The following HK1 variants were observed in gnomAD, a reference collection of about 807,000 sequenced individuals.
The protein encoded by HK1 is hexokinase-1.
In HK1, 28 loss-of-function variants were observed where a neutral mutation model predicts 91.6. The ratio of observed to expected loss-of-function variants is 0.31; its 90% CI spans 0.23 to 0.42. HK1 has a LOEUF of 0.42. HK1 is among the 10% of genes least tolerant of loss of function. HK1 has a pLI of 1.00. For missense variants in HK1, 770 were observed against 1,219.8 expected, an observed-to-expected ratio of 0.63 and a Z score of 5.49; for synonymous variants, 430 against 468.1, an observed-to-expected ratio of 0.92 and a Z score of 1.05.
intron 3 of HK1, among the ~76,000 whole-genome samples, chr10:69,294,108 G>A (rs891766240): frequency 4.6e-5 from 7 of 151,960 alleles, no homozygotes; most frequent in Non-Finnish European, 1.0e-4. Flanking sequence ...TGATCCACCC[G>A]CCTCGGCCTC....
intron 4 of HK1, among the ~76,000 whole-genome samples, chr10:69,367,566 C>T (rs1849771949): frequency 6.6e-6 from 1 of 152,138 alleles, no homozygotes; most frequent in Non-Finnish European, 1.5e-5. Context: ...CCTGACTTAG[C>T]TTAGTTGCTG....
chr10:69,385,816 A>C (rs1839604831), intron 12 of HK1, among the ~76,000 whole-genome samples: 1 of 152,198 alleles, frequency 6.6e-6, no homozygotes, highest in Admixed American at 6.5e-5. Flanking sequence ...CATTTCACTT[A>C]TACCTTCACC....
chr10:69,285,372 C>T (rs565567642), intron 2 of HK1, among the ~76,000 whole-genome samples: 35 of 151,882 alleles, frequency 2.3e-4, no homozygotes, highest in Non-Finnish European at 3.8e-4. Context: ...TGCAGTAAGC[C>T]GAGATTGCGC....
chr10:69,357,846 A>G (rs1474991995), intron 2 of HK1, among the ~76,000 whole-genome samples: 6 of 152,174 alleles, frequency 3.9e-5, no homozygotes, highest in East Asian at 1.9e-4. Flanking sequence ...GAGAAGGATG[A>G]GGGGCTTGGG....
chr10:69,389,374 A>T (rs763117198), intron 14 of HK1, 78 bp downstream of exon 14: 3 of 817,584 alleles, frequency 3.7e-6, no homozygotes, highest in Non-Finnish European at 5.6e-6. Context: ...TTGGCCCAGC[A>T]GCTTGGTCCT....
intron 5 of HK1, 135 bp downstream of exon 5, chr10:69,368,766 G>T (rs1434497796): frequency 1.5e-5 from 11 of 739,118 alleles, no homozygotes; most frequent in Non-Finnish European, 2.7e-5. Flanking sequence ...AGAGTTGAGG[G>T]CTCACAGTGT....
chr10:69,317,317 G>C (rs1846700125), upstream of HK1, among the ~76,000 whole-genome samples: 2 of 152,198 alleles, frequency 1.3e-5, no homozygotes, highest in African/African-American at 2.4e-5. Context: ...TGAAGACACA[G>C]TCTCAGAGGT....
At chr10:69,374,121 A>C (rs1178022328) in intron 7 of HK1, among the ~76,000 whole-genome samples, 1 of 151,950 alleles carries the variant, frequency 6.6e-6, no homozygotes, top group Non-Finnish European at 1.5e-5. Context: ...TCAAGTCAGC[A>C]CCCAGATGCC....
chr10:69,372,031 A>G (rs1900467), intron 7 of HK1, among the ~76,000 whole-genome samples: 6,140 of 152,336 alleles, frequency 0.04, 396 homozygotes, highest in African/African-American at 0.14. Context: ...AGTTCCATGT[A>G]GCTGGGGAAG....
rs188694395 is a variant in HK1, at chr10:69,297,461, C to A, written c.-67+1781C>A. On this transcript the variant is annotated intron_variant, in intron 4 of 21. Coordinates refer to the HK1 transcript ENST00000360289. Reference sequence around the variant, plus strand: ...GTCAACTGTATTACAATTCCATTGTCACCAACTTTTTAAAGACAAATCAAC... The same window carrying A: ...GTCAACTGTATTACAATTCCATTGTAACCAACTTTTTAAAGACAAATCAAC... Among the ~76,000 whole-genome samples the A allele has an allele frequency of 3.3e-5, 5 of 152,294 alleles. No homozygotes were observed. In the East Asian group the frequency reaches 9.7e-4, roughly 29 times the overall value.
intron 1 of HK1, among the ~76,000 whole-genome samples, chr10:69,276,775 TTATAAC>T (rs1283886771): frequency 6.7e-5 from 10 of 149,548 alleles, no homozygotes; most frequent in Admixed American, 2.0e-4. Flanking sequence ...TTAATAATAA[TTATAAC>T]TATAACTATT....
intron 5 of HK1, among the ~76,000 whole-genome samples, chr10:69,301,100 G>T (rs1275734062): frequency 1.3e-5 from 2 of 151,898 alleles, no homozygotes; most frequent in Non-Finnish European, 2.9e-5. Context: ...ACAAAAATTA[G>T]CCGGGTGTAG....
At chr10:69,353,604 C>T (rs996962209) in intron 2 of HK1, among the ~76,000 whole-genome samples, 2 of 90,242 alleles carry the variant, frequency 2.2e-5, no homozygotes, top group African/African-American at 4.2e-5. Flanking sequence ...ACTCAAAGAA[C>T]AAACAAACAA....
chr10:69,346,360 TTCC>T lies in HK1; in HGVS notation c.226+2373_226+2375del, dbSNP rs527974514. 1.5e-3 allele frequency among the ~76,000 whole-genome samples: 225 copies of T among 152,286 alleles called. 1 individual carries two copies. The highest frequency in any genetic ancestry group is 5.0e-3 in the African/African-American group (209 of 41,546). Reference sequence around the variant, plus strand: ...CAAGGCAAAGGAAGGAAACAAGCCTTTCCTTTCTTGCTGACCTTGACCCTGGTC... The same window carrying T: ...CAAGGCAAAGGAAGGAAACAAGCCTTTTTCTTGCTGACCTTGACCCTGGTC... On this transcript the variant is annotated intron_variant, in intron 2 of 17. Transcript: ENST00000359426.
chr10:69,304,232 T>G (rs1243248594), intron 5 of HK1, among the ~76,000 whole-genome samples: 5 of 152,106 alleles, frequency 3.3e-5, no homozygotes, highest in Non-Finnish European at 7.4e-5. Flanking sequence ...AGAGGGTTTG[T>G]TTTGGAAAAG....
At chr10:69,376,806 G>A (rs1839134016) in intron 7 of HK1, 128 bp from the exon 8 acceptor site, 5 of 1,180,012 alleles carry the variant, frequency 4.2e-6, no homozygotes, top group Non-Finnish European at 6.3e-6. Flanking sequence ...ACATGGTTTT[G>A]CCTGCCAGCG....
intron 1 of HK1, among the ~76,000 whole-genome samples, chr10:69,276,138 T>TAC (rs1554874357): frequency 0.025 from 1,877 of 76,290 alleles, 145 homozygotes; most frequent in Middle Eastern, 0.059. Context: ...TATATATATA[T>TAC]ACACATATAT....
At chr10:69,374,355 A>G (rs1370950641) in intron 7 of HK1, among the ~76,000 whole-genome samples, 1 of 152,146 alleles carries the variant, frequency 6.6e-6, no homozygotes, top group Non-Finnish European at 1.5e-5. Context: ...ACCAGCAGGC[A>G]GATTGGTTGG....
intron 3 of HK1, chr10:69,288,812 G>T (rs367569226): frequency 2.6e-6 from 4 of 1,567,890 alleles, no homozygotes; most frequent in Non-Finnish European, 3.5e-6. Context: ...TTTTTGAGAC[G>T]TTTTTGTTCC....
Sources: gnomAD v4.1 joint callset for allele counts (sites outside exome capture counted in the v4.1 genomes callset) on GRCh38, gnomAD v4.1.1 for gene constraint, MANE v1.5 for transcripts, NCBI Gene and HGNC (gene_info 2026-07-23, HGNC 2026-07-21) for gene names.